Variants in ACTR3B observed in about 807,000 individuals in gnomAD.
The protein encoded by ACTR3B is actin-related protein 3B.
ACTR3B carries 8 observed loss-of-function variants against 59.0 expected under a neutral mutation model. The ratio of observed to expected loss-of-function variants is 0.14; its 90% CI spans 0.08 to 0.24. The LOEUF is 0.24. Among genes scored for constraint, ACTR3B ranks in the 10% least tolerant of loss-of-function variants. The pLI, the probability that ACTR3B is intolerant of heterozygous loss-of-function variation, is 1.00. For synonymous variants in ACTR3B, 148 were observed against 197.9 expected (o/e 0.75, Z 2.12); for missense variants, 245 against 552.3 (o/e 0.44, Z 5.58).
chr7:152,776,854 C>G (rs1415265818), intron 1 of ACTR3B, among the ~76,000 whole-genome samples: 1 of 152,186 alleles, frequency 6.6e-6, no homozygotes, highest in Non-Finnish European at 1.5e-5. Context: ...CAAGCACTTT[C>G]AAGCTATATT....
At chr7:152,796,063 T>C (rs1379465916) in intron 2 of ACTR3B, among the ~76,000 whole-genome samples, 1 of 152,168 alleles carries the variant, frequency 6.6e-6, no homozygotes, top group Non-Finnish European at 1.5e-5. Flanking sequence ...CAGGCTGGTC[T>C]TGAACTCCTG....
chr7:152,834,632 G>A (rs1797299449), intron 9 of ACTR3B, among the ~76,000 whole-genome samples: 1 of 152,130 alleles, frequency 6.6e-6, no homozygotes, highest in Admixed American at 6.5e-5. Flanking sequence ...GAGGCCTGAT[G>A]CTCCATGCTG....
chr7:152,768,757 T>C (rs1275304700), intron 1 of ACTR3B, among the ~76,000 whole-genome samples: 1 of 151,930 alleles, frequency 6.6e-6, no homozygotes, highest in African/African-American at 2.4e-5. Flanking sequence ...ATTACAGGCA[T>C]GAGCCACCGC....
At chr7:152,769,921 A>G (rs902705654) in intron 1 of ACTR3B, among the ~76,000 whole-genome samples, 1 of 151,820 alleles carries the variant, frequency 6.6e-6, no homozygotes, top group Admixed American at 6.6e-5. Flanking sequence ...ATTAGTAGTC[A>G]ACAAATTTAT....
At chr7:152,771,202 G>A (rs890830429) in intron 1 of ACTR3B, among the ~76,000 whole-genome samples, 5 of 152,170 alleles carry the variant, frequency 3.3e-5, no homozygotes, top group Non-Finnish European at 7.4e-5. Context: ...TGATCTGCCT[G>A]CCTCAGCCTC....
chr7:152,822,899 C>CT (rs1325050448), intron 7 of ACTR3B, among the ~76,000 whole-genome samples: 11 of 152,200 alleles, frequency 7.2e-5, no homozygotes, highest in African/African-American at 2.4e-4. Flanking sequence ...AAAGAAGCCG[C>CT]TGCAGTCAGG....
At chr7:152,785,470 GGAGGGA>G (rs2098170219) in intron 2 of ACTR3B, among the ~76,000 whole-genome samples, 1 of 2,292 alleles carries the variant, frequency 4.4e-4, no homozygotes, top group African/African-American at 3.0e-3. Context: ...AGGGGGAGGG[GGAGGGA>G]GAGAGAGAGA....
chr7:152,761,183 T>A (rs1294167747), intron 1 of ACTR3B, among the ~76,000 whole-genome samples: 2 of 152,212 alleles, frequency 1.3e-5, no homozygotes, highest in Non-Finnish European at 2.9e-5. Flanking sequence ...GCTCTTTATT[T>A]TAGAACTTGC....
At chr7:152,790,402 C>T (rs571521438) in intron 2 of ACTR3B, among the ~76,000 whole-genome samples, 1 of 152,190 alleles carries the variant, frequency 6.6e-6, no homozygotes, top group East Asian at 1.9e-4. Flanking sequence ...AGGCTGGTCT[C>T]AAACTCCTGG....
intron 2 of ACTR3B, among the ~76,000 whole-genome samples, chr7:152,792,723 G>C (rs1161282410): frequency 1.3e-5 from 2 of 152,064 alleles, no homozygotes; most frequent in Non-Finnish European, 2.9e-5. Flanking sequence ...ACTCCAGCCT[G>C]GGTGACAGAG....
intron 2 of ACTR3B, among the ~76,000 whole-genome samples, chr7:152,788,540 G>A (rs2098182618): frequency 6.6e-6 from 1 of 151,292 alleles, no homozygotes; most frequent in Non-Finnish European, 1.5e-5. Context: ...AGCCTCCCGA[G>A]TAGTTGGGAC....
intron 10 of ACTR3B, 67 bp downstream of exon 10, chr7:152,852,318 A>T (rs1261433701): frequency 9.5e-5 from 145 of 1,531,856 alleles, no homozygotes; most frequent in Non-Finnish European, 1.2e-4. Flanking sequence ...GGCCCTCCTG[A>T]CACAGAGCCG....
chr7:152,844,374 A>T (rs1406712192), intron 9 of ACTR3B, among the ~76,000 whole-genome samples: 1 of 152,182 alleles, frequency 6.6e-6, no homozygotes, highest in African/African-American at 2.4e-5. Flanking sequence ...ACTTTTTTTT[A>T]AATAAAATGT....
At chr7:152,836,616 A>G (rs954716408) in intron 9 of ACTR3B, among the ~76,000 whole-genome samples, 7 of 152,048 alleles carry the variant, frequency 4.6e-5, no homozygotes, top group Admixed American at 1.3e-4. Context: ...TCTGTGCTCT[A>G]TAAGCAGTGA....
At chr7:152,773,586 A>T (rs557048284) in intron 1 of ACTR3B, among the ~76,000 whole-genome samples, 1 of 151,058 alleles carries the variant, frequency 6.6e-6, no homozygotes, top group East Asian at 1.9e-4. Context: ...CTCTGTCTCT[A>T]AAAAAAAAGC....
At chr7:152,765,046 C>T (rs1395652381) in intron 1 of ACTR3B, among the ~76,000 whole-genome samples, 1 of 150,756 alleles carries the variant, frequency 6.6e-6, no homozygotes, top group African/African-American at 2.4e-5. Flanking sequence ...CTTGATTGTA[C>T]ATTGTTCTTT....
rs66966963 is a variant in ACTR3B at position 152,759,824 on chromosome 7, C to G, written c.-59C>G. On this transcript the variant is annotated 5_prime_UTR_variant, in exon 1 of 12. Coordinates refer to ENST00000256001, the MANE Select transcript of ACTR3B (RefSeq NM_020445.6). ...CGCGCGGGGCTAGCGGGCGGCGGAG[C>G]GGACGGCGACGGGGCGCTCTCGGGC... is the stretch of plus-strand genomic sequence containing the variant. 6.0e-5 allele frequency: 71 copies of G among 1,176,724 alleles called. 1 individual carries two copies. The Admixed American group carries it at 1.3e-3, about 22-fold the overall frequency. The allele number at this position is 1,176,724 out of a possible 1,614,324, so 72.9% of individuals were successfully genotyped here.
chr7:152,834,249 G>T (rs1377054635), intron 9 of ACTR3B, among the ~76,000 whole-genome samples: 2 of 151,814 alleles, frequency 1.3e-5, no homozygotes, highest in African/African-American at 2.4e-5. Flanking sequence ...TGCCTCCTGG[G>T]TTCAAACAAT....
At chr7:152,767,745 T>G (rs2098114472) in intron 1 of ACTR3B, among the ~76,000 whole-genome samples, 1 of 152,200 alleles carries the variant, frequency 6.6e-6, no homozygotes, top group Non-Finnish European at 1.5e-5. Flanking sequence ...TCATAAATGG[T>G]GCCTTCTCTT....
Sources: gnomAD v4.1 joint callset for allele counts (sites outside exome capture counted in the v4.1 genomes callset) on GRCh38, gnomAD v4.1.1 for gene constraint, MANE v1.5 for transcripts, NCBI Gene and HGNC (gene_info 2026-07-23, HGNC 2026-07-21) for gene names.